CTNNA1: variants seen among roughly 807,000 people sequenced by gnomAD.
CTNNA1 encodes catenin alpha-1.
Under a neutral mutation model 98.4 loss-of-function variants are expected in CTNNA1, and 37 were observed. That is an observed-to-expected ratio of 0.38 (90% CI 0.29 to 0.49). The LOEUF is 0.49. Among genes scored for constraint, CTNNA1 ranks in the 20% least tolerant of loss-of-function variants. CTNNA1 has a pLI of 0.95. For missense variants in CTNNA1, 761 were observed against 1,147.2 expected, an observed-to-expected ratio of 0.66 and a Z score of 4.86; for synonymous variants, 404 against 413.2, an observed-to-expected ratio of 0.98 and a Z score of 0.27.
chr5:138,916,589 C>G (rs548129744), intron 10 of CTNNA1, among the ~76,000 whole-genome samples: 2 of 151,372 alleles, frequency 1.3e-5, no homozygotes, highest in African/African-American at 4.9e-5. Context: ...GTGGTGTGAT[C>G]ACAGCTCACT....
At position 138,924,709 on chromosome 5, in the gene CTNNA1, A is replaced by G. The variant is rs1181337385; in HGVS notation, c.1746A>G (p.Thr582=). ...VLEATKLLSN[T]VMPRFTEQVE... Reference sequence around the variant, plus strand: ...AAGCCACTAAGCTGCTCTCCAACACAGGTACGGGAACTCTCCCTTTCCAGT... The same window carrying G: ...AAGCCACTAAGCTGCTCTCCAACACGGGTACGGGAACTCTCCCTTTCCAGT... Residue 582 remains threonine, a splice_region_variant and synonymous_variant, in exon 12 of 18, where the codon ACA becomes ACG. Coordinates refer to ENST00000302763, the MANE Select transcript of CTNNA1 (RefSeq NM_001903.5). 1 of 1,564,454 alleles carries G rather than the reference A, an allele frequency of 6.4e-7. No homozygotes were observed. The highest frequency in any genetic ancestry group is 8.7e-7 in the Non-Finnish European group (1 of 1,154,360).
chr5:138,821,570 C>G (rs1336576185), intron 5 of CTNNA1, among the ~76,000 whole-genome samples: 1 of 152,112 alleles, frequency 6.6e-6, no homozygotes, highest in African/African-American at 2.4e-5. Context: ...CAAGAGAAAT[C>G]TATGGCTATA....
chr5:138,878,274 G>A (rs948426666), intron 7 of CTNNA1, among the ~76,000 whole-genome samples: 1 of 152,174 alleles, frequency 6.6e-6, no homozygotes, highest in African/African-American at 2.4e-5. Flanking sequence ...AACCAAAGAA[G>A]ACATGGAGTT....
intron 7 of CTNNA1, among the ~76,000 whole-genome samples, chr5:138,830,967 T>A (rs1397639228): frequency 6.6e-6 from 1 of 152,216 alleles, no homozygotes; most frequent in Non-Finnish European, 1.5e-5. Flanking sequence ...AAAAAAATGG[T>A]TCATTTTATT....
At chr5:138,855,463 G>A (rs937035124) in intron 7 of CTNNA1, among the ~76,000 whole-genome samples, 22 of 152,314 alleles carry the variant, frequency 1.4e-4, no homozygotes, top group African/African-American at 5.3e-4. Context: ...TACTTTCAGT[G>A]AGAGAAAATT....
At chr5:138,923,823 G>A (rs979960241) in intron 11 of CTNNA1, among the ~76,000 whole-genome samples, 1 of 152,230 alleles carries the variant, frequency 6.6e-6, no homozygotes. Flanking sequence ...AGGAAAAATA[G>A]TTTTGGTGTG....
At position 138,770,965 on chromosome 5, in the gene CTNNA1, A is replaced by C. The variant is rs957519153; in HGVS notation, c.-2-10958A>C. Among the ~76,000 whole-genome samples, 117 of 148,530 alleles carry C rather than the reference A, an allele frequency of 7.9e-4. No homozygotes were observed. In the Middle Eastern group the frequency reaches 0.017, roughly 22 times the overall value. ...GACTCCGTCTCAAAAAAAAAAAAAA[A>C]CACAAAAACAAACGAACAAAAAACA... On this transcript the variant is annotated intron_variant, in intron 1 of 17. Transcript: ENST00000302763.
In CTNNA1 at chr5:138,812,325, T is replaced by C. The variant is rs746452655; in HGVS notation, c.588+23T>C. On this transcript the variant is annotated intron_variant, in intron 5 of 17. Coordinates refer to ENST00000302763, the MANE Select transcript of CTNNA1 (RefSeq NM_001903.5). ...CAGGTACAGTCATGATTTGGGGATA[T>C]ATTAAAGTTGTTCATTTTACTATCT... 1.9e-5 allele frequency: 30 copies of C among 1,598,706 alleles called. No homozygotes were observed. The Admixed American group carries it at 5.4e-4, about 29-fold the overall frequency.
At chr5:138,771,926 T>TA (rs112812984) in intron 1 of CTNNA1, among the ~76,000 whole-genome samples, 4,651 of 150,418 alleles carry the variant, frequency 0.031, 213 homozygotes, top group African/African-American at 0.1. Flanking sequence ...ACTTTGCTGT[T>TA]AAAAAAAAAA....
At chr5:138,760,814 G>A (rs1752270240) in intron 1 of CTNNA1, among the ~76,000 whole-genome samples, 1 of 152,134 alleles carries the variant, frequency 6.6e-6, no homozygotes, top group African/African-American at 2.4e-5. Context: ...AGACATTCTT[G>A]ATCTATTGTC....
intron 7 of CTNNA1, among the ~76,000 whole-genome samples, chr5:138,878,870 A>G (rs1752236316): frequency 6.6e-6 from 1 of 152,100 alleles, no homozygotes; most frequent in East Asian, 1.9e-4. Flanking sequence ...GTTTTGGAGG[A>G]GCATGTTAAA....
chr5:138,801,829 G>C (rs1757606952), intron 3 of CTNNA1, among the ~76,000 whole-genome samples: 1 of 152,174 alleles, frequency 6.6e-6, no homozygotes, highest in East Asian at 1.9e-4. Flanking sequence ...ATTGAAATTT[G>C]ATTAGAATAT....
intron 9 of CTNNA1, among the ~76,000 whole-genome samples, chr5:138,900,257 A>T (rs1216797490): frequency 6.6e-6 from 1 of 152,154 alleles, no homozygotes; most frequent in Non-Finnish European, 1.5e-5. Context: ...AGGGGAAGAG[A>T]TGAATGTTTT....
chr5:138,827,785 A>G, intron 7 of CTNNA1, 67 bp downstream of exon 7: 1 of 1,578,500 alleles, frequency 6.3e-7, no homozygotes, highest in East Asian at 2.3e-5. Flanking sequence ...AACATGTTGG[A>G]TCTGAGATGT....
chr5:138,774,854 C>T (rs191822722), intron 1 of CTNNA1, among the ~76,000 whole-genome samples: 10 of 152,186 alleles, frequency 6.6e-5, no homozygotes, highest in Admixed American at 5.2e-4. Context: ...CGTGATCCGC[C>T]CACCTCGGCC....
intron 7 of CTNNA1, among the ~76,000 whole-genome samples, chr5:138,836,203 A>T (rs549321538): frequency 1.3e-5 from 2 of 152,176 alleles, no homozygotes; most frequent in Non-Finnish European, 2.9e-5. Flanking sequence ...ATTCCTTGAC[A>T]TAAGTGTCCC....
chr5:138,873,554 G>A lies in CTNNA1; in HGVS notation c.1063-12658G>A. 1 of 1,613,968 alleles carries A rather than the reference G, an allele frequency of 6.2e-7. No homozygotes were observed. The highest frequency in any genetic ancestry group is 8.5e-7 in the Non-Finnish European group (1 of 1,179,886). On this transcript the variant is annotated intron_variant, in intron 7 of 17. Coordinates refer to ENST00000302763, the MANE Select transcript of CTNNA1 (RefSeq NM_001903.5). This position sits in a 1 kb window ranked among gnomAD's most constrained non-coding sequence, Gnocchi z 6.1. ...GTGGTCAGGACTGTGGCATAGGATG[G>A]AGTGTTCCCACCGACCTTGGAAACT...
chr5:138,922,100 A>G (rs1268648590), intron 11 of CTNNA1, among the ~76,000 whole-genome samples: 2 of 152,190 alleles, frequency 1.3e-5, no homozygotes, highest in African/African-American at 4.8e-5. Context: ...AAGAGGCTCT[A>G]TTGCTACACG....
intron 17 of CTNNA1, among the ~76,000 whole-genome samples, 186 bp from the exon 18 acceptor site, chr5:138,933,616 G>C (rs1031212770): frequency 1.3e-5 from 2 of 152,176 alleles, no homozygotes; most frequent in Non-Finnish European, 2.9e-5. Flanking sequence ...GGCGCTTCCA[G>C]GCTATTTAGA....
Sources: gnomAD v4.1 joint callset for allele counts (sites outside exome capture counted in the v4.1 genomes callset) on GRCh38, gnomAD v4.1.1 for gene constraint, Gnocchi (gnomAD v3.1) non-coding constraint, MANE v1.5 for transcripts, NCBI Gene and HGNC (gene_info 2026-07-23, HGNC 2026-07-21) for gene names.